Variants in PRRC2B observed in about 807,000 individuals in gnomAD.
The protein encoded by PRRC2B is protein PRRC2B.
PRRC2B carries 68 observed loss-of-function variants against 242.3 expected under a neutral mutation model. The observed-to-expected ratio is 0.28, with a 90% CI of 0.23 to 0.34. The LOEUF is 0.34. Among genes scored for constraint, PRRC2B ranks in the 10% least tolerant of loss-of-function variants. The probability of loss-of-function intolerance (pLI) is 1.00; values close to 1 mark genes in which losing one functional copy is unlikely to be tolerated. For synonymous variants in PRRC2B, 1,228 were observed against 1,173.6 expected, an observed-to-expected ratio of 1.05 and a Z score of -0.95; for missense variants, 2,835 against 2,954.8, an observed-to-expected ratio of 0.96 and a Z score of 0.94.
intron 16 of PRRC2B, 110 bp from the exon 17 acceptor site, chr9:131,477,634 G>A (rs531054169): frequency 1.6e-4 from 109 of 665,236 alleles, no homozygotes; most frequent in Non-Finnish European, 2.5e-4. Flanking sequence ...GAGTCAGCTA[G>A]AGGAAGTGGG....
At chr9:131,434,242 C>T (rs1838270221) in intron 3 of PRRC2B, among the ~76,000 whole-genome samples, 1 of 152,236 alleles carries the variant, frequency 6.6e-6, no homozygotes, top group Non-Finnish European at 1.5e-5. Context: ...ACCATGAGCT[C>T]TGGAACGAAA....
At chr9:131,477,203 G>A (rs536079890) in intron 16 of PRRC2B, among the ~76,000 whole-genome samples, 1 of 152,314 alleles carries the variant, frequency 6.6e-6, no homozygotes, top group African/African-American at 2.4e-5. Context: ...AGGTGCAGGG[G>A]CTGCTGAGGC....
At chr9:131,484,410 G>A (rs1943956364) in intron 23 of PRRC2B, among the ~76,000 whole-genome samples, 1 of 152,186 alleles carries the variant, frequency 6.6e-6, no homozygotes, top group African/African-American at 2.4e-5. Context: ...GGAAACTGAT[G>A]GAGGCAGCCA....
intron 1 of PRRC2B, among the ~76,000 whole-genome samples, chr9:131,418,283 T>A (rs561312068): frequency 6.6e-6 from 1 of 152,380 alleles, no homozygotes; most frequent in Non-Finnish European, 1.5e-5. Flanking sequence ...CCTGGCCCCC[T>A]CTTCCTTCTG....
At chr9:131,394,067 G>A (rs1385236867), upstream of PRRC2B, 1 of 149,802 alleles carries the variant, frequency 6.7e-6, no homozygotes, top group Non-Finnish European at 1.5e-5. Context: ...GGGGAGCCGA[G>A]CGCGAGGGAG....
Position 131,491,598 on chromosome 9 carries a change from G to T in PRRC2B, c.6381+18G>T. 1 of 1,596,132 alleles carries T rather than the reference G, an allele frequency of 6.3e-7. No homozygotes were observed. The highest frequency in any genetic ancestry group is 8.5e-7 in the Non-Finnish European group (1 of 1,171,368). ...GCAGAGAGGTAAGGGGACCCCATCT[G>T]CCTCTGACCCTAGGGAGGGGGCCTT... On this transcript the variant is annotated intron_variant, in intron 29 of 31. Coordinates refer to ENST00000683519, the MANE Select transcript of PRRC2B (RefSeq NM_013318.4).
intron 6 of PRRC2B, 130 bp downstream of exon 6, chr9:131,444,458 C>A (rs2966341): frequency 0.93 from 915,564 of 987,310 alleles, 425,856 homozygotes; most frequent in South Asian, 0.97. Flanking sequence ...CTCTTTGACT[C>A]GCCACGTGAT....
chr9:131,384,844 C>G (rs1244495905), intron 1 of PRRC2B, among the ~76,000 whole-genome samples: 2 of 151,856 alleles, frequency 1.3e-5, no homozygotes, highest in Non-Finnish European at 2.9e-5. Flanking sequence ...TGTGAGCCAC[C>G]GCGCCTGGTC....
intron 1 of PRRC2B, among the ~76,000 whole-genome samples, chr9:131,425,356 TGTG>T (rs1451261841): frequency 6.6e-6 from 1 of 151,994 alleles, no homozygotes; most frequent in Non-Finnish European, 1.5e-5. Context: ...CTCAGAGAAG[TGTG>T]GTGTGTGCCA....
intron 1 of PRRC2B, among the ~76,000 whole-genome samples, chr9:131,426,842 C>T (rs1415614008): frequency 2.6e-5 from 4 of 152,184 alleles, no homozygotes; most frequent in African/African-American, 7.2e-5. Flanking sequence ...TGAATGTGGG[C>T]AGCAGTCCCA....
At chr9:131,393,244 G>A (rs1836935442), upstream of PRRC2B, among the ~76,000 whole-genome samples, 2 of 152,204 alleles carry the variant, frequency 1.3e-5, no homozygotes, top group Non-Finnish European at 2.9e-5. Flanking sequence ...GCCCGCAGCT[G>A]GTGCTTAGAG....
intron 9 of PRRC2B, among the ~76,000 whole-genome samples, chr9:131,453,650 G>C (rs1419310136): frequency 6.6e-6 from 1 of 152,138 alleles, no homozygotes; most frequent in Non-Finnish European, 1.5e-5. Flanking sequence ...TCTCACCTCA[G>C]CCTCCGGAGT....
intron 3 of PRRC2B, among the ~76,000 whole-genome samples, chr9:131,436,228 G>C (rs1461630650): frequency 3.3e-5 from 5 of 152,170 alleles, no homozygotes; most frequent in Admixed American, 3.3e-4. Context: ...GGCCAGGCAA[G>C]GTGGCTCAAG....
intron 1 of PRRC2B, among the ~76,000 whole-genome samples, chr9:131,408,576 G>T (rs1380747858): frequency 1.3e-5 from 2 of 152,176 alleles, no homozygotes; most frequent in East Asian, 3.9e-4. Flanking sequence ...GAAGAACCCA[G>T]GTTGAATAAT....
chr9:131,491,062 C>A lies in PRRC2B; in HGVS notation c.6226-363C>A, dbSNP rs755721960. ...GCTTCCTTGGCACCTTGTATGCTTT[C>A]AGTAAGCACTTGCTGGACAAAGGCA... is the stretch of plus-strand genomic sequence containing the variant. On this transcript the variant is annotated intron_variant, in intron 28 of 31. Transcript: ENST00000683519. The A allele has an allele frequency of 1.3e-4, 32 of 243,038 alleles. 1 individual carries two copies. The highest frequency in any genetic ancestry group is 5.2e-5 in the Admixed American group (1 of 19,386). The allele number at this position is 243,038 out of a possible 1,614,324, so 15.1% of individuals were successfully genotyped here. A position where few individuals can be genotyped will look rare whatever the true frequency, so the allele number is the denominator to read the frequency against.
chr9:131,416,114 C>CTTTCTT, intron 1 of PRRC2B, among the ~76,000 whole-genome samples: 1 of 145,258 alleles, frequency 6.9e-6, no homozygotes, highest in Admixed American at 6.9e-5. Flanking sequence ...TCTTTTCTTT[C>CTTTCTT]TTTTTTTTTT....
At chr9:131,445,781 G>A (rs763793807) in intron 6 of PRRC2B, among the ~76,000 whole-genome samples, 1 of 152,114 alleles carries the variant, frequency 6.6e-6, no homozygotes, top group Non-Finnish European at 1.5e-5. Flanking sequence ...TTGATTTCTT[G>A]TTGGCCTCTA....
At position 131,494,818 on chromosome 9, in the gene PRRC2B, A is replaced by C. The variant is rs899043137; in HGVS notation, c.6555+332A>C. ...TCGGTTAGGTTTGGGGGTCGGCTTT[A>C]GGAGCCGGGGTGCGCGCGCTGGTTC... On this transcript the variant is annotated intron_variant, in intron 31 of 31. Coordinates refer to ENST00000683519, the MANE Select transcript of PRRC2B (RefSeq NM_013318.4). This position sits in a 1 kb window ranked among gnomAD's most constrained non-coding sequence, Gnocchi z 4.3. 6.6e-6 allele frequency among the ~76,000 whole-genome samples: 1 copy of C among 152,002 alleles called. No individual in the cohort carries two copies. The highest frequency in any genetic ancestry group is 6.6e-5 in the Admixed American group (1 of 15,256).
At chr9:131,407,182 G>A (rs563861693) in intron 1 of PRRC2B, among the ~76,000 whole-genome samples, 15 of 152,308 alleles carry the variant, frequency 9.8e-5, no homozygotes, top group African/African-American at 2.9e-4. Context: ...ATTAACAAGT[G>A]CTGCTTCCAA....
Sources: allele counts gnomAD v4.1 joint callset (sites outside exome capture counted in the v4.1 genomes callset), GRCh38; gene constraint gnomAD v4.1.1; non-coding constraint Gnocchi (gnomAD v3.1); transcripts MANE v1.5; gene names NCBI Gene and HGNC (gene_info 2026-07-23, HGNC 2026-07-21).